The following TUBD1 variants were observed in gnomAD, a reference collection of about 807,000 sequenced individuals.
TUBD1 encodes tubulin delta chain.
A neutral mutation model predicts 51.2 loss-of-function variants in TUBD1; 38 were observed. That is an observed-to-expected ratio of 0.74 (90% CI 0.57 to 0.97). TUBD1 has a LOEUF of 0.97. Ranked by LOEUF, TUBD1 falls within the 50% of genes least tolerant of loss-of-function variation. TUBD1 has a pLI of 0.00. For missense variants in TUBD1, 489 were observed against 538.4 expected, an observed-to-expected ratio of 0.91 and a Z score of 0.91; for synonymous variants, 169 against 178.2, an observed-to-expected ratio of 0.95 and a Z score of 0.41.
chr17:59,878,229 T>C lies in TUBD1; in HGVS notation c.643A>G (p.Lys215Glu). 1.2e-6 allele frequency: 2 copies of C among 1,614,088 alleles called. No individual in the cohort carries two copies. The highest frequency in any genetic ancestry group is 1.7e-6 in the Non-Finnish European group (2 of 1,180,006). Residue 215 changes from lysine to glutamate, a missense_variant, in exon 5 of 9, where the codon AAA becomes GAA. Lys to Glu is a moderately conservative substitution (Grantham distance 56, BLOSUM62 1). Transcript: ENST00000325752. ...ENDAIHKICAKLMNIKQISFS... is the reference protein window; with the variant it reads ...ENDAIHKICAELMNIKQISFS... ...GAGATCTGCTTGATATTCATCAGTTTTGCACAGATCTTATGGATGGCATCA... is the reference window on the plus strand; with the variant it reads ...GAGATCTGCTTGATATTCATCAGTTCTGCACAGATCTTATGGATGGCATCA...
chr17:59,892,250 A>G lies in TUBD1; in HGVS notation c.-40+447T>C, dbSNP rs537983021. On this transcript the variant is annotated intron_variant, in intron 1 of 8. Transcript: ENST00000325752. ...ATGCAGCTTGGAGAAAGAAAACCAG[A>G]TGAAATATTAACCGGGCGCAATGGC... 3.9e-5 allele frequency among the ~76,000 whole-genome samples: 6 copies of G among 152,230 alleles called. No homozygotes were observed. The South Asian group carries it at 1.2e-3, about 32-fold the overall frequency.
chr17:59,890,703 G>A (rs2040959394), intron 2 of TUBD1, 128 bp downstream of exon 2: 1 of 787,166 alleles, frequency 1.3e-6, no homozygotes, highest in African/African-American at 1.8e-5. Context: ...ACATAGAAAT[G>A]AAAAGCAAAA....
intron 8 of TUBD1, among the ~76,000 whole-genome samples, chr17:59,862,750 A>G (rs1598496342): frequency 3.3e-5 from 3 of 91,932 alleles, no homozygotes; most frequent in East Asian, 3.0e-4. Context: ...TTTGAGACGG[A>G]GTCTCGCTCT....
chr17:59,891,046 A>G lies in TUBD1; in HGVS notation c.-39-5T>C, dbSNP rs781773876. The G allele has an allele frequency of 6.7e-7, 1 of 1,497,810 alleles. No homozygotes were observed. The highest frequency in any genetic ancestry group is 1.2e-5 in the South Asian group (1 of 82,118). The allele number at this position is 1,497,810 out of a possible 1,614,324, so 92.8% of individuals were successfully genotyped here. On this transcript the variant is annotated splice_polypyrimidine_tract_variant and splice_region_variant and intron_variant, in intron 1 of 8. Transcript: ENST00000325752. ...TGTATTACCTCTAAAAACAACCTGT[A>G]ATCGAAAAAAATACGCTTTGAGAAC...
intron 2 of TUBD1, chr17:59,886,455 T>C (rs1369689114): frequency 4.2e-6 from 2 of 478,470 alleles, no homozygotes; most frequent in African/African-American, 3.9e-5. Flanking sequence ...TGAATCAGTG[T>C]GGGCCTAAAA....
At chr17:59,879,552 C>T (rs941205525) in intron 4 of TUBD1, among the ~76,000 whole-genome samples, 5 of 152,038 alleles carry the variant, frequency 3.3e-5, no homozygotes, top group Admixed American at 1.3e-4. Flanking sequence ...TCTCCTGCCT[C>T]AGCCTCCCGA....
chr17:59,890,660 G>A (rs2040957601), intron 2 of TUBD1, among the ~76,000 whole-genome samples, 171 bp downstream of exon 2: 1 of 152,216 alleles, frequency 6.6e-6, no homozygotes, highest in African/African-American at 2.4e-5. Flanking sequence ...GCATGCAGAA[G>A]GGAAAATGCC....
rs377353966 is a variant in TUBD1, at chr17:59,872,007, G to A, written c.934+2532C>T. ...CTCGCTCTGTTGCCCAGGCTGGAGAGCAGGGGTGTGATCTCAGCTCGCTGC... is the reference window on the plus strand; with the variant it reads ...CTCGCTCTGTTGCCCAGGCTGGAGAACAGGGGTGTGATCTCAGCTCGCTGC... On this transcript the variant is annotated intron_variant, in intron 6 of 8. Transcript: ENST00000325752. Among the ~76,000 whole-genome samples the A allele has an allele frequency of 1.4e-4, 21 of 152,028 alleles. No individual in the cohort carries two copies. The South Asian group carries it at 4.4e-3, about 32-fold the overall frequency.
In TUBD1 at chr17:59,878,148, T is replaced by C. The variant is rs1293312046; in HGVS notation, c.724A>G (p.Thr242Ala). ...AHQLGSVFQPTYSAESSFHYR... is the reference protein window; with the variant it reads ...AHQLGSVFQPAYSAESSFHYR... ...TGAAATGAGCTTTCTGCAGAATAAG[T>C]AGGCTGGAACACACTTCCCAGCTGA... Residue 242 changes from threonine to alanine, a missense_variant, in exon 5 of 9, where the codon ACT becomes GCT. By Grantham distance (58) the Thr-to-Ala change is moderately conservative. Transcript: ENST00000325752. The C allele has an allele frequency of 4.3e-6, 7 of 1,614,020 alleles. No individual in the cohort carries two copies. Among genetic ancestry groups the C allele is most frequent in the East Asian group, 4.5e-5 (2 of 44,886 alleles).
intron 3 of TUBD1, among the ~76,000 whole-genome samples, chr17:59,883,052 T>G (rs576483817): frequency 1.3e-5 from 2 of 152,044 alleles, no homozygotes; most frequent in Non-Finnish European, 2.9e-5. Context: ...CCCAAACTGC[T>G]GGGATCACAA....
chr17:59,875,000 C>T (rs2040159297), intron 5 of TUBD1, among the ~76,000 whole-genome samples: 1 of 151,194 alleles, frequency 6.6e-6, no homozygotes, highest in Non-Finnish European at 1.5e-5. Context: ...AGGTAAACTC[C>T]AGGCAAACAA....
intron 4 of TUBD1, among the ~76,000 whole-genome samples, 165 bp downstream of exon 4, chr17:59,880,729 T>C (rs946113580): frequency 2.0e-5 from 3 of 151,946 alleles, no homozygotes; most frequent in Admixed American, 2.0e-4. Context: ...TTAGCCGGGA[T>C]GGTCTCGATA....
At chr17:59,888,358 C>G (rs2040830180) in intron 2 of TUBD1, among the ~76,000 whole-genome samples, 1 of 152,070 alleles carries the variant, frequency 6.6e-6, no homozygotes, top group African/African-American at 2.4e-5. Context: ...CAGACTAAAG[C>G]AAGTCAGTGA....
At chr17:59,882,096 T>A (rs2040514823) in intron 3 of TUBD1, among the ~76,000 whole-genome samples, 2 of 151,150 alleles carry the variant, frequency 1.3e-5, no homozygotes, top group Admixed American at 6.6e-5. Context: ...TTTTTTTTTT[T>A]AAACAGGGTC....
At chr17:59,890,306 C>T (rs1308332357) in intron 2 of TUBD1, among the ~76,000 whole-genome samples, 4 of 151,996 alleles carry the variant, frequency 2.6e-5, no homozygotes, top group East Asian at 1.9e-4. Flanking sequence ...GGCAGTGGTG[C>T]GGTCTCGGCT....
intron 6 of TUBD1, among the ~76,000 whole-genome samples, chr17:59,872,363 G>A (rs1331752728): frequency 3.3e-5 from 5 of 152,098 alleles, no homozygotes; most frequent in Non-Finnish European, 5.9e-5. Context: ...CCAAAGTGCT[G>A]AGATTACAGG....
At chr17:59,885,147 C>A (rs1363620773) in intron 3 of TUBD1, 1 of 356,344 alleles carries the variant, frequency 2.8e-6, no homozygotes. Flanking sequence ...TCCTAGGACG[C>A]CAAAAGGACA....
chr17:59,880,591 T>C (rs1235397342), intron 4 of TUBD1, among the ~76,000 whole-genome samples: 1 of 152,098 alleles, frequency 6.6e-6, no homozygotes, highest in Non-Finnish European at 1.5e-5. Context: ...CTTGGCTCAC[T>C]GCAAGCTCCG....
rs1402222419 is a variant in TUBD1, at chr17:59,859,520, C to T, written c.*802G>A. Reference sequence around the variant, plus strand: ...AGCATAAGCATTTATTACCAAAATCCTCATATTTATTTTTAAATAGCTGCT... The same window carrying T: ...AGCATAAGCATTTATTACCAAAATCTTCATATTTATTTTTAAATAGCTGCT... On this transcript the variant is annotated 3_prime_UTR_variant, in exon 9 of 9. Coordinates refer to ENST00000325752, the MANE Select transcript of TUBD1 (RefSeq NM_016261.4). 1 of 152,388 alleles carries T rather than the reference C, an allele frequency of 6.6e-6. No homozygotes were observed. The highest frequency in any genetic ancestry group is 1.5e-5 in the Non-Finnish European group (1 of 68,042). 9.4% of individuals were successfully genotyped at this position (152,388 alleles called of 1,614,324 possible).
Sources: gnomAD v4.1 joint callset for allele counts (sites outside exome capture counted in the v4.1 genomes callset) on GRCh38, gnomAD v4.1.1 for gene constraint, MANE v1.5 for transcripts, NCBI Gene and HGNC (gene_info 2026-07-23, HGNC 2026-07-21) for gene names.